MGAM: variants seen among roughly 807,000 people sequenced by gnomAD.
The protein encoded by MGAM is alpha-1,4-glucosidase.
Under a neutral mutation model 358.8 loss-of-function variants are expected in MGAM, and 253 were observed. The ratio of observed to expected loss-of-function variants is 0.71; its 90% CI spans 0.64 to 0.78. MGAM has a LOEUF of 0.78. Ranked by LOEUF, MGAM falls within the 30% of genes least tolerant of loss-of-function variation. The pLI is 0.00. For synonymous variants in MGAM, 1,105 were observed against 1,227.1 expected, an observed-to-expected ratio of 0.90 and a Z score of 2.08; for missense variants, 3,080 against 3,432.6, an observed-to-expected ratio of 0.90 and a Z score of 2.57.
Position 142,076,169 on chromosome 7 carries a change from G to C in MGAM, c.5276-34G>C, listed in dbSNP as rs778892339. 3 of 1,495,672 alleles carry C rather than the reference G, an allele frequency of 2.0e-6. 1 individual carries two copies. The highest frequency in any genetic ancestry group is 1.1e-5 in the South Asian group (1 of 88,164). The allele number at this position is 1,495,672 out of a possible 1,614,324, so 92.7% of individuals were successfully genotyped here. On this transcript the variant is annotated intron_variant, in intron 45 of 70. Coordinates refer to ENST00000475668, the MANE Select transcript of MGAM (RefSeq NM_001365693.1). ...AAATCTGTTCTTCTGTGGTGGGCAAGCCGGAGTCTGACTTGTCTTTCTGTC... is the reference window on the plus strand; with the variant it reads ...AAATCTGTTCTTCTGTGGTGGGCAACCCGGAGTCTGACTTGTCTTTCTGTC...
intron 55 of MGAM, 69 bp from the exon 56 acceptor site, chr7:142,086,149 C>A: frequency 1.4e-6 from 2 of 1,439,084 alleles, no homozygotes; most frequent in East Asian, 2.4e-5. Context: ...TGGAGGAGTT[C>A]TCCTTCATTC....
intron 3 of MGAM, among the ~76,000 whole-genome samples, chr7:142,009,334 A>G (rs1362114985): frequency 6.6e-6 from 1 of 152,088 alleles, no homozygotes; most frequent in African/African-American, 2.4e-5. Flanking sequence ...ACTTGCCCAC[A>G]CCCTATGTTT....
chr7:142,104,559 T>C (rs1816693577), intron 70 of MGAM, among the ~76,000 whole-genome samples: 1 of 152,246 alleles, frequency 6.6e-6, no homozygotes, highest in Non-Finnish European at 1.5e-5. Context: ...TAACACACTT[T>C]ATATACATTT....
At chr7:142,020,697 T>A (rs1053865587) in intron 4 of MGAM, among the ~76,000 whole-genome samples, 1 of 151,248 alleles carries the variant, frequency 6.6e-6, no homozygotes, top group East Asian at 1.9e-4. Context: ...CCTCTGGGGT[T>A]GAAGCAATTC....
At chr7:142,021,961 G>A (rs547592964) in intron 6 of MGAM, among the ~76,000 whole-genome samples, 35 of 150,844 alleles carry the variant, frequency 2.3e-4, no homozygotes, top group Admixed American at 1.5e-3. Flanking sequence ...ATTTCCCTCC[G>A]TCTATAATAT....
intron 57 of MGAM, among the ~76,000 whole-genome samples, chr7:142,090,867 T>C (rs1815320752): frequency 6.8e-6 from 1 of 146,610 alleles, no homozygotes. Context: ...TGTCAAGTTC[T>C]AAGCTAAGCA....
chr7:142,065,277 C>G (rs1017794518), intron 37 of MGAM, 58 bp from the exon 38 acceptor site: 8 of 1,576,466 alleles, frequency 5.1e-6, no homozygotes, highest in Admixed American at 1.8e-5. Flanking sequence ...AGCAGAAGCT[C>G]TATGGCCTTT....
At chr7:142,045,684 T>C (rs1810207043) in intron 21 of MGAM, among the ~76,000 whole-genome samples, 2 of 103,062 alleles carry the variant, frequency 1.9e-5, no homozygotes, top group African/African-American at 7.9e-5. Flanking sequence ...TAATATATAT[T>C]ATATACATAC....
intron 34 of MGAM, among the ~76,000 whole-genome samples, chr7:142,062,167 C>A (rs1812270492): frequency 6.6e-6 from 1 of 152,126 alleles, no homozygotes; most frequent in African/African-American, 2.4e-5. Flanking sequence ...AGGAGGGAGT[C>A]CCTGGGTGTT....
rs544918462 is a variant in MGAM at position 142,059,660 on chromosome 7, T to A, written c.3948+60T>A. On this transcript the variant is annotated intron_variant, in intron 32 of 70. Coordinates refer to ENST00000475668, the MANE Select transcript of MGAM (RefSeq NM_001365693.1). ...GGAGCAGGTATGGGCTTTGGTGGAG[T>A]CAGAGTTATACTTTATTTCCATGTT... is the stretch of plus-strand genomic sequence containing the variant. 1.2e-4 allele frequency: 194 copies of A among 1,603,580 alleles called. 4 individuals carry two copies. The South Asian group carries it at 2.1e-3, about 17-fold the overall frequency.
At chr7:142,047,120 G>T (rs1810475588) in intron 21 of MGAM, among the ~76,000 whole-genome samples, 1 of 152,102 alleles carries the variant, frequency 6.6e-6, no homozygotes, top group Non-Finnish European at 1.5e-5. Context: ...CTGGGAGGTT[G>T]CTTAGAGCAG....
intron 36 of MGAM, 27 bp downstream of exon 36, chr7:142,063,613 G>GCAGAGC (rs1257873691): frequency 6.2e-7 from 1 of 1,607,128 alleles, no homozygotes; most frequent in Admixed American, 1.7e-5. Flanking sequence ...TCCTTGACTG[G>GCAGAGC]CAGAGCCATG....
chr7:142,021,868 C>A, intron 6 of MGAM, 131 bp downstream of exon 6: 1 of 891,678 alleles, frequency 1.1e-6, no homozygotes, highest in Non-Finnish European at 1.7e-6. Flanking sequence ...GAACCTTTAC[C>A]TTCTAAAGTA....
At chr7:142,038,656 T>A (rs758690849) in intron 19 of MGAM, 41 bp downstream of exon 19, 1 of 1,427,454 alleles carries the variant, frequency 7.0e-7, no homozygotes, top group East Asian at 2.4e-5. Flanking sequence ...TCTCTGCATC[T>A]GTATCTGCTG....
At chr7:142,034,965 G>A in intron 16 of MGAM, 124 bp downstream of exon 16, 1 of 914,444 alleles carries the variant, frequency 1.1e-6, no homozygotes, top group Non-Finnish European at 1.6e-6. Flanking sequence ...TATCTTGAGA[G>A]CATGTGCTTC....
chr7:141,987,757 A>T (rs1263826773), intron 2 of MGAM, among the ~76,000 whole-genome samples: 1 of 151,602 alleles, frequency 6.6e-6, no homozygotes, highest in African/African-American at 2.4e-5. Flanking sequence ...GAATTTGTTG[A>T]ATGAATGAAC....
intron 1 of MGAM, among the ~76,000 whole-genome samples, chr7:142,003,665 A>G (rs1010898387): frequency 2.6e-5 from 4 of 152,196 alleles, no homozygotes; most frequent in Admixed American, 6.5e-5. Flanking sequence ...CAAGTCCTCA[A>G]AAGAAACCAC....
intron 22 of MGAM, among the ~76,000 whole-genome samples, chr7:142,048,369 C>T (rs1170269160): frequency 2.0e-5 from 3 of 151,578 alleles, no homozygotes; most frequent in African/African-American, 4.8e-5. Flanking sequence ...AGGATGATCT[C>T]GATCTCCTAA....
intron 21 of MGAM, among the ~76,000 whole-genome samples, chr7:142,045,190 A>G (rs1448277254): frequency 7.0e-5 from 5 of 71,408 alleles, no homozygotes; most frequent in Admixed American, 2.1e-4. Flanking sequence ...CATATATGAT[A>G]TATAATATAT....
Sources: gnomAD v4.1 joint callset for allele counts (sites outside exome capture counted in the v4.1 genomes callset) on GRCh38, gnomAD v4.1.1 for gene constraint, MANE v1.5 for transcripts, NCBI Gene and HGNC (gene_info 2026-07-23, HGNC 2026-07-21) for gene names.